The following MMS22L variants were observed in gnomAD, a reference collection of about 807,000 sequenced individuals.
MMS22L encodes MMS22 like, DNA repair protein, also known as protein MMS22-like.
A neutral mutation model predicts 159.1 loss-of-function variants in MMS22L; 74 were observed. The observed-to-expected ratio is 0.47, with a 90% CI of 0.39 to 0.56. MMS22L has a LOEUF of 0.56. MMS22L is among the 20% of genes least tolerant of loss of function. The pLI is 0.00. For missense variants in MMS22L, 1,351 were observed against 1,422.1 expected (o/e 0.95, Z 0.80); for synonymous variants, 517 against 506.9 (o/e 1.02, Z -0.27).
At chr6:97,187,566 T>G (rs1257736505) in intron 14 of MMS22L, among the ~76,000 whole-genome samples, 1 of 152,176 alleles carries the variant, frequency 6.6e-6, no homozygotes, top group Admixed American at 6.5e-5. Context: ...CATGGATACA[T>G]TTACATTTGC....
intron 12 of MMS22L, among the ~76,000 whole-genome samples, chr6:97,232,898 C>G (rs565065787): frequency 6.6e-6 from 1 of 152,090 alleles, no homozygotes; most frequent in African/African-American, 2.4e-5. Flanking sequence ...TTTCTATATA[C>G]AAAGTATAAA....
intron 14 of MMS22L, among the ~76,000 whole-genome samples, chr6:97,224,624 C>T (rs71562325): frequency 0.085 from 12,802 of 151,008 alleles, 1,018 homozygotes; most frequent in African/African-American, 0.21. Context: ...AAGCAACTAC[C>T]CCTTTTTTTG....
At chr6:97,217,338 C>T (rs1440361833) in intron 14 of MMS22L, among the ~76,000 whole-genome samples, 6 of 152,060 alleles carry the variant, frequency 3.9e-5, no homozygotes, top group Admixed American at 6.6e-5. Flanking sequence ...CTCCACCTCC[C>T]AGGTTCAAGC....
At chr6:97,161,486 G>A (rs1802430258) in intron 22 of MMS22L, among the ~76,000 whole-genome samples, 1 of 152,046 alleles carries the variant, frequency 6.6e-6, no homozygotes, top group African/African-American at 2.4e-5. Context: ...GATTACAGGT[G>A]TGAGCCATTA....
rs76989217 is a variant in MMS22L at position 97,270,625 on chromosome 6, T to G, written c.607-633A>C. The G allele has an allele frequency of 1.6e-3, 273 of 168,926 alleles. 3 individuals carry two copies. The highest frequency in any genetic ancestry group is 6.2e-3 in the African/African-American group (258 of 41,728). The allele number at this position is 168,926 out of a possible 1,614,324, so 10.5% of individuals were successfully genotyped here. A position where few individuals can be genotyped will look rare whatever the true frequency, so the allele number is the denominator to read the frequency against. The stretch of plus-strand genomic sequence containing the variant: ...TAAAAATAAATACAATGACATAACA[T>G]GTTCCATTAAAACAAATAGAAAGAA... On this transcript the variant is annotated intron_variant, in intron 6 of 24. Coordinates refer to ENST00000683635, the MANE Select transcript of MMS22L (RefSeq NM_001350599.2).
At chr6:97,238,588 TGTG>T (rs1811692039) in intron 11 of MMS22L, among the ~76,000 whole-genome samples, 1 of 93,496 alleles carries the variant, frequency 1.1e-5, no homozygotes, top group African/African-American at 3.3e-5. Flanking sequence ...TGTGTGTGTG[TGTG>T]TGTGTGTGTG....
At chr6:97,274,632 C>T (rs1403033757) in intron 4 of MMS22L, among the ~76,000 whole-genome samples, 1 of 152,060 alleles carries the variant, frequency 6.6e-6, no homozygotes. Flanking sequence ...AACCCAAATA[C>T]AGCCCAACTC....
At chr6:97,185,430 T>C (rs1805125203) in intron 15 of MMS22L, among the ~76,000 whole-genome samples, 1 of 152,184 alleles carries the variant, frequency 6.6e-6, no homozygotes, top group Non-Finnish European at 1.5e-5. Flanking sequence ...ATACCATTTA[T>C]CTTCAGCATC....
chr6:97,209,669 C>T (rs139287649), intron 14 of MMS22L, among the ~76,000 whole-genome samples: 44 of 151,902 alleles, frequency 2.9e-4, no homozygotes, highest in African/African-American at 9.6e-4. Context: ...ATGTCTCTAT[C>T]GAAAAAGATT....
chr6:97,203,761 T>C (rs1807446193), intron 14 of MMS22L, among the ~76,000 whole-genome samples: 2 of 152,190 alleles, frequency 1.3e-5, no homozygotes, highest in South Asian at 4.1e-4. Context: ...ATTAGACCGA[T>C]TATTACAGGG....
At chr6:97,281,791 A>G (rs1406712040) in intron 2 of MMS22L, among the ~76,000 whole-genome samples, 1 of 152,230 alleles carries the variant, frequency 6.6e-6, no homozygotes, top group Non-Finnish European at 1.5e-5. Context: ...AAGGTCAACA[A>G]AAATAGTTTC....
chr6:97,150,485 A>G (rs1287750878), intron 23 of MMS22L, among the ~76,000 whole-genome samples: 2 of 152,166 alleles, frequency 1.3e-5, no homozygotes, highest in Admixed American at 1.3e-4. Flanking sequence ...TTAACTGAAT[A>G]AAAGACTTTA....
At chr6:97,247,830 C>G (rs1157520872) in intron 10 of MMS22L, among the ~76,000 whole-genome samples, 3 of 152,154 alleles carry the variant, frequency 2.0e-5, no homozygotes, top group Non-Finnish European at 4.4e-5. Context: ...AAAGAATATG[C>G]TGTTCAGAGG....
At chr6:97,158,184 A>C (rs770026864) in intron 22 of MMS22L, among the ~76,000 whole-genome samples, 12 of 151,820 alleles carry the variant, frequency 7.9e-5, no homozygotes, top group Non-Finnish European at 1.6e-4. Flanking sequence ...ATCATTTTTT[A>C]TTGCATCTAT....
At chr6:97,248,390 A>T (rs1410257743) in intron 10 of MMS22L, among the ~76,000 whole-genome samples, 1 of 85,926 alleles carries the variant, frequency 1.2e-5, no homozygotes, top group Non-Finnish European at 3.4e-5. Context: ...AGAAATTGAG[A>T]GTGTGAGATA....
At chr6:97,260,056 T>C (rs1308608213) in intron 9 of MMS22L, 1 of 152,208 alleles carries the variant, frequency 6.6e-6, no homozygotes, top group Non-Finnish European at 1.5e-5. Context: ...TATTTTGCTC[T>C]TATAAGTTGT....
intron 9 of MMS22L, among the ~76,000 whole-genome samples, chr6:97,257,666 A>G (rs892045163): frequency 1.3e-5 from 2 of 152,070 alleles, no homozygotes; most frequent in African/African-American, 4.8e-5. Context: ...GGCTCAAGCA[A>G]TCCTCTCACC....
chr6:97,230,831 C>CA (rs1810782963), intron 13 of MMS22L: 2 of 152,590 alleles, frequency 1.3e-5, no homozygotes, highest in Admixed American at 1.3e-4. Flanking sequence ...CTGTGGGACT[C>CA]AAACAGGAAT....
intron 4 of MMS22L, 31 bp from the exon 5 acceptor site, chr6:97,273,093 G>T: frequency 6.5e-7 from 1 of 1,547,422 alleles, no homozygotes; most frequent in Non-Finnish European, 8.8e-7. Flanking sequence ...GTTAATCATA[G>T]TTCAAATAAT....
Sources: gnomAD v4.1 joint callset for allele counts (sites outside exome capture counted in the v4.1 genomes callset) on GRCh38, gnomAD v4.1.1 for gene constraint, MANE v1.5 for transcripts, NCBI Gene and HGNC (gene_info 2026-07-23, HGNC 2026-07-21) for gene names.